AUTS2: variants seen among roughly 807,000 people sequenced by gnomAD.
AUTS2 encodes autism susceptibility gene 2 protein.
AUTS2 carries 17 observed loss-of-function variants against 112.4 expected under a neutral mutation model. That is an observed-to-expected ratio of 0.15 (90% CI 0.10 to 0.23). AUTS2 has a LOEUF of 0.23. AUTS2 is among the 10% of genes least tolerant of loss of function. The probability of loss-of-function intolerance (pLI) is 1.00; values close to 1 mark genes in which losing one functional copy is unlikely to be tolerated. For synonymous variants in AUTS2, 751 were observed against 702.7 expected (o/e 1.07, Z -1.09); for missense variants, 1,510 against 1,701.6 (o/e 0.89, Z 1.98).
chr7:69,884,128 TTTC>T (rs1198877961), intron 1 of AUTS2, among the ~76,000 whole-genome samples: 1 of 152,158 alleles, frequency 6.6e-6, no homozygotes, highest in Non-Finnish European at 1.5e-5. Flanking sequence ...GTGGGCACAG[TTTC>T]TAAGGTAGAT....
chr7:70,646,125 G>A (rs1252391609), intron 5 of AUTS2, among the ~76,000 whole-genome samples: 1 of 152,078 alleles, frequency 6.6e-6, no homozygotes, highest in Non-Finnish European at 1.5e-5. Context: ...AAAATGCATC[G>A]ACAGACCTAC....
chr7:70,103,117 A>G (rs1804587952), intron 2 of AUTS2, among the ~76,000 whole-genome samples: 1 of 152,200 alleles, frequency 6.6e-6, no homozygotes, highest in South Asian at 2.1e-4. Context: ...TAAATCAGAA[A>G]AATATTAGAG....
At chr7:70,311,794 G>A (rs2129615494) in intron 4 of AUTS2, among the ~76,000 whole-genome samples, 1 of 152,170 alleles carries the variant, frequency 6.6e-6, no homozygotes, top group East Asian at 1.9e-4. Flanking sequence ...TCTGCTCACT[G>A]CAAGCTCCGC....
At chr7:70,447,532 G>A (rs1018171202) in intron 5 of AUTS2, among the ~76,000 whole-genome samples, 10 of 152,272 alleles carry the variant, frequency 6.6e-5, no homozygotes, top group African/African-American at 2.4e-4. Context: ...ACAGAGGTGG[G>A]AACTGAATCA....
At chr7:70,683,381 G>A (rs1275410510) in intron 5 of AUTS2, among the ~76,000 whole-genome samples, 1 of 152,182 alleles carries the variant, frequency 6.6e-6, no homozygotes, top group East Asian at 1.9e-4. Context: ...TCTCTTACAT[G>A]TGATGCATGA....
intron 5 of AUTS2, among the ~76,000 whole-genome samples, chr7:70,696,982 A>G (rs941128805): frequency 6.6e-6 from 1 of 152,208 alleles, no homozygotes; most frequent in Non-Finnish European, 1.5e-5. Context: ...TCATGAAAGG[A>G]TGGTAAAATA....
At chr7:70,399,371 A>G (rs933806742) in intron 4 of AUTS2, among the ~76,000 whole-genome samples, 1 of 152,148 alleles carries the variant, frequency 6.6e-6, no homozygotes, top group Non-Finnish European at 1.5e-5. Flanking sequence ...TACATTGTAC[A>G]TACATTGCTA....
At chr7:70,292,087 A>G (rs1447681697) in intron 4 of AUTS2, 2 of 152,202 alleles carry the variant, frequency 1.3e-5, no homozygotes, top group Non-Finnish European at 2.9e-5. Context: ...ACCTACTGGT[A>G]GTCTTTGGAT....
intron 5 of AUTS2, among the ~76,000 whole-genome samples, chr7:70,478,613 C>T (rs1797670923): frequency 6.6e-6 from 1 of 152,160 alleles, no homozygotes; most frequent in African/African-American, 2.4e-5. Flanking sequence ...ATGATGGCAC[C>T]ACCAACGTCA....
At chr7:70,759,786 G>T (rs1789442946) in intron 6 of AUTS2, among the ~76,000 whole-genome samples, 1 of 152,158 alleles carries the variant, frequency 6.6e-6, no homozygotes, top group South Asian at 2.1e-4. Context: ...CAAGAACAAG[G>T]AGGTAAACAG....
At chr7:69,649,580 A>C (rs1461253651) in intron 1 of AUTS2, among the ~76,000 whole-genome samples, 1 of 152,044 alleles carries the variant, frequency 6.6e-6, no homozygotes, top group East Asian at 1.9e-4. Context: ...GCCAACTCAA[A>C]GACTTACAAC....
At chr7:70,374,354 C>CT (rs1200324228) in intron 4 of AUTS2, among the ~76,000 whole-genome samples, 2 of 152,168 alleles carry the variant, frequency 1.3e-5, no homozygotes, top group Admixed American at 1.3e-4. Flanking sequence ...CAAAACCTAT[C>CT]TATTAGGATT....
chr7:69,872,256 A>G (rs368603267), intron 1 of AUTS2, among the ~76,000 whole-genome samples: 12 of 152,212 alleles, frequency 7.9e-5, no homozygotes, highest in African/African-American at 2.9e-4. Flanking sequence ...CACTGAGGAA[A>G]GCATGAATTA....
chr7:70,116,523 A>G (rs185000644), intron 2 of AUTS2, among the ~76,000 whole-genome samples: 93 of 152,280 alleles, frequency 6.1e-4, no homozygotes, highest in Non-Finnish European at 1.1e-3. Flanking sequence ...TATTCTTTGA[A>G]GTTTCCTCCT....
At chr7:70,620,893 AG>A (rs1166262633) in intron 5 of AUTS2, among the ~76,000 whole-genome samples, 1 of 151,860 alleles carries the variant, frequency 6.6e-6, no homozygotes, top group Non-Finnish European at 1.5e-5. Flanking sequence ...GTTTTGGAGG[AG>A]GGTTGCCAAA....
intron 5 of AUTS2, among the ~76,000 whole-genome samples, chr7:70,689,374 C>G (rs1808631933): frequency 6.6e-6 from 1 of 151,898 alleles, no homozygotes; most frequent in Non-Finnish European, 1.5e-5. Flanking sequence ...GAGCAAGACC[C>G]TATCTCAGAA....
At position 70,791,054 on chromosome 7, in the gene AUTS2, C is replaced by T; in HGVS notation, c.*58C>T. 1 of 1,426,016 alleles carries T rather than the reference C, an allele frequency of 7.0e-7. No homozygotes were observed. The allele number at this position is 1,426,016 out of a possible 1,614,324, so 88.3% of individuals were successfully genotyped here. A position where few individuals can be genotyped will look rare whatever the true frequency, so the allele number is the denominator to read the frequency against. ...AACCCTAGGCAGACACCAGGCCAGG[C>T]TTGAGAGACAGAACTCCTGCATGGC... is the stretch of plus-strand genomic sequence containing the variant. On this transcript the variant is annotated 3_prime_UTR_variant, in exon 19 of 19. Coordinates refer to ENST00000342771, the MANE Select transcript of AUTS2 (RefSeq NM_015570.4).
At chr7:70,591,807 A>C (rs1387034786) in intron 5 of AUTS2, among the ~76,000 whole-genome samples, 1 of 151,818 alleles carries the variant, frequency 6.6e-6, no homozygotes, top group Non-Finnish European at 1.5e-5. Context: ...CTTTTCTCTC[A>C]CCCTGATCTG....
At chr7:69,749,678 C>T (rs991463451) in intron 1 of AUTS2, among the ~76,000 whole-genome samples, 4 of 152,158 alleles carry the variant, frequency 2.6e-5, no homozygotes, top group African/African-American at 7.2e-5. Context: ...TATTCAAAAC[C>T]GCTCCTGCAC....
Sources: gnomAD v4.1 joint callset for allele counts (sites outside exome capture counted in the v4.1 genomes callset) on GRCh38, gnomAD v4.1.1 for gene constraint, MANE v1.5 for transcripts, NCBI Gene and HGNC (gene_info 2026-07-23, HGNC 2026-07-21) for gene names.